The following LINS1 variants were observed in gnomAD, a reference collection of about 807,000 sequenced individuals.
LINS1 encodes the protein lines homolog 1.
In LINS1, 27 loss-of-function variants were observed where a neutral mutation model predicts 41.6. The observed-to-expected ratio is 0.65, with a 90% CI of 0.48 to 0.89. The LOEUF is 0.89. Among genes scored for constraint, LINS1 ranks in the 40% least tolerant of loss-of-function variants. LINS1 has a pLI of 0.00. For missense variants in LINS1, 955 were observed against 884.1 expected, an observed-to-expected ratio of 1.08 and a Z score of -1.02; for synonymous variants, 336 against 312.9, an observed-to-expected ratio of 1.07 and a Z score of -0.78.
rs773566017 is a variant in LINS1, at chr15:100,574,062, T to C, written c.811A>G (p.Thr271Ala). 8.1e-6 allele frequency: 13 copies of C among 1,614,064 alleles called. No homozygotes were observed. In the Admixed American group the frequency reaches 8.3e-5, roughly 10 times the overall value. ...TTCAAAAATAAAATCCTCTGGCAAG[T>C]GAAATGTAACTTCAGGTGGATTCTG... is the stretch of plus-strand genomic sequence containing the variant. ...ASRIHLKLHF[T>A]CQRILFLKPS... Residue 271 changes from threonine (T) to alanine (A), a missense_variant, in exon 5 of 7, where the codon ACT becomes GCT. Coordinates refer to ENST00000314742, the MANE Select transcript of LINS1 (RefSeq NM_001040616.3).
chr15:100,601,046 A>G (rs1004074372), intron 1 of LINS1, among the ~76,000 whole-genome samples: 36 of 152,198 alleles, frequency 2.4e-4, no homozygotes, highest in African/African-American at 8.7e-4. Flanking sequence ...TCCTGTAAAC[A>G]GCAAAGCATA....
intron 1 of LINS1, among the ~76,000 whole-genome samples, chr15:100,598,353 C>CA (rs891745464): frequency 1.3e-5 from 2 of 152,026 alleles, no homozygotes; most frequent in Non-Finnish European, 2.9e-5. Context: ...GTTTTGATCT[C>CA]AAAAAACTTT....
At position 100,593,739 on chromosome 15, in the gene LINS1, G is replaced by A. The variant is rs1039429541; in HGVS notation, c.-104+8382C>T. On this transcript the variant is annotated intron_variant, in intron 1 of 6. Transcript: ENST00000314742. ...TCAAACTTCCATTGGTGCTCCAAAA[G>A]CCCAGGACAAGAGTTCAACATTGGA... Among the ~76,000 whole-genome samples, 4 of 152,152 alleles carry A rather than the reference G, an allele frequency of 2.6e-5. No individual in the cohort carries two copies. In the South Asian group the frequency reaches 6.2e-4, roughly 24 times the overall value.
intron 1 of LINS1, among the ~76,000 whole-genome samples, chr15:100,594,006 G>T (rs2039144617): frequency 6.6e-6 from 1 of 152,058 alleles, no homozygotes; most frequent in South Asian, 2.1e-4. Context: ...TATCTGTGGG[G>T]GATTGGTTCC....
intron 1 of LINS1, among the ~76,000 whole-genome samples, chr15:100,581,892 A>C (rs150653890): frequency 1.8e-3 from 277 of 152,336 alleles, no homozygotes; most frequent in African/African-American, 6.4e-3. Context: ...CTGCTCCTTT[A>C]AACAGGTTGT....
At chr15:100,598,809 A>G (rs900415575) in intron 1 of LINS1, among the ~76,000 whole-genome samples, 3 of 152,154 alleles carry the variant, frequency 2.0e-5, no homozygotes, top group African/African-American at 7.2e-5. Context: ...TTATTACACC[A>G]AGATCCCCAG....
chr15:100,600,551 C>CAAAAAAAAAAAAA lies in LINS1; in HGVS notation c.-104+1557_-104+1569dup, dbSNP rs56911211. 4.7e-3 allele frequency among the ~76,000 whole-genome samples: 375 copies of CAAAAAAAAAAAAA among 79,652 alleles called. 96 individuals are homozygous for CAAAAAAAAAAAAA. Among genetic ancestry groups the CAAAAAAAAAAAAA allele is most frequent in the African/African-American group, 0.02 (298 of 15,002 alleles). The allele number at this position is 79,652 out of a possible 152,430, so 52.3% of individuals were successfully genotyped here. A position where few individuals can be genotyped will look rare whatever the true frequency, so the allele number is the denominator to read the frequency against. On this transcript the variant is annotated intron_variant, in intron 1 of 6. Transcript: ENST00000314742. ...TTTACATTGGAGTCCTGCTGTTAAG[C>CAAAAAAAAAAAAA]AAAAAAAAAAAAAAAAAAAACAGGG...
intron 5 of LINS1, 136 bp downstream of exon 5, chr15:100,573,515 T>C (rs758045040): frequency 1.4e-6 from 1 of 704,778 alleles, no homozygotes; most frequent in South Asian, 2.8e-5. Context: ...TTTTTGAAAA[T>C]GTAATAAGTT....
intron 1 of LINS1, among the ~76,000 whole-genome samples, chr15:100,581,660 T>C (rs956686202): frequency 2.6e-5 from 4 of 152,222 alleles, no homozygotes; most frequent in African/African-American, 9.6e-5. Flanking sequence ...GACAATGGAA[T>C]GCTGGAGCCT....
intron 1 of LINS1, among the ~76,000 whole-genome samples, chr15:100,589,456 A>G (rs193070713): frequency 1.0e-3 from 157 of 152,354 alleles, no homozygotes; most frequent in African/African-American, 3.5e-3. Context: ...ATCAGTTACC[A>G]GTGCTATGCA....
intron 1 of LINS1, among the ~76,000 whole-genome samples, chr15:100,599,030 T>G (rs2039362351): frequency 6.6e-6 from 1 of 152,216 alleles, no homozygotes; most frequent in Admixed American, 6.5e-5. Flanking sequence ...TCAGAATTGC[T>G]GCAGTGGTGC....
chr15:100,597,602 A>G (rs1047906883), intron 1 of LINS1, among the ~76,000 whole-genome samples: 10 of 152,270 alleles, frequency 6.6e-5, no homozygotes, highest in African/African-American at 2.4e-4. Context: ...CAGTGTATCA[A>G]TATGAATACT....
intron 1 of LINS1, among the ~76,000 whole-genome samples, chr15:100,598,863 C>T (rs1268074594): frequency 6.6e-6 from 1 of 152,190 alleles, no homozygotes; most frequent in Admixed American, 6.5e-5. Flanking sequence ...CCAACTAGAG[C>T]ATAACCTGCT....
In LINS1 at chr15:100,569,665, C is replaced by A. The variant is rs2037701029; in HGVS notation, c.1847G>T (p.Ser616Ile). 1 of 1,613,440 alleles carries A rather than the reference C, an allele frequency of 6.2e-7. No homozygotes were observed. Among genetic ancestry groups the A allele is most frequent in the Non-Finnish European group, 8.5e-7 (1 of 1,179,656 alleles). Residue 616 changes from serine to isoleucine, a missense_variant, in exon 7 of 7, where the codon AGT (serine) becomes ATT (isoleucine). Ser to Ile is a moderately radical substitution (Grantham distance 142, BLOSUM62 -2). Coordinates refer to ENST00000314742, the MANE Select transcript of LINS1 (RefSeq NM_001040616.3). ...TTGAGAGGCCCGGGGGGAAGACAGA[C>A]TAGAAGCACACATGGTGTGAGCCCC... ...SKGAHTMCAS[S>I]LSSPRASQSL... is the part of the protein sequence containing the mutation.
chr15:100,567,608 T>A lies in LINS1; in HGVS notation c.*1630A>T, dbSNP rs1381971976. On this transcript the variant is annotated 3_prime_UTR_variant, in exon 7 of 7. Coordinates refer to ENST00000314742, the MANE Select transcript of LINS1 (RefSeq NM_001040616.3). Reference sequence around the variant, plus strand: ...AGAACGCATCTACCATTCCACTGACTATACAAATTCTGACTTACTTTACCA... The same window carrying A: ...AGAACGCATCTACCATTCCACTGACAATACAAATTCTGACTTACTTTACCA... 2.0e-5 allele frequency: 3 copies of A among 152,352 alleles called. No homozygotes were observed. The East Asian group carries it at 5.8e-4, about 29-fold the overall frequency. The allele number at this position is 152,352 out of a possible 1,614,324, so 9.4% of individuals were successfully genotyped here.
rs1332527845 is a variant in LINS1, at chr15:100,569,011, C to G, written c.*227G>C. On this transcript the variant is annotated 3_prime_UTR_variant, in exon 7 of 7. Transcript: ENST00000314742. ...TGGTGGCGGGCACCTGTAATTCCAG[C>G]TACTCGGGAGACTGAGGCAGGAGAA... is the stretch of plus-strand genomic sequence containing the variant. 1.0e-5 allele frequency: 4 copies of G among 384,430 alleles called. No homozygotes were observed. The highest frequency in any genetic ancestry group is 7.6e-4 in the Middle Eastern group (1 of 1,316). The allele number at this position is 384,430 out of a possible 1,614,324, so 23.8% of individuals were successfully genotyped here. A position where few individuals can be genotyped will look rare whatever the true frequency, so the allele number is the denominator to read the frequency against.
At chr15:100,600,022 C>T (rs887083492) in intron 1 of LINS1, among the ~76,000 whole-genome samples, 1 of 152,114 alleles carries the variant, frequency 6.6e-6, no homozygotes, top group Non-Finnish European at 1.5e-5. Context: ...GCCAAGCTCG[C>T]ACCACTGTAC....
rs751128055 is a variant in LINS1, at chr15:100,573,791, A to C, written c.1082T>G (p.Phe361Cys). ...KTLSVYEKHS[F>C]FGGDEVQPEC... ...AGGTTGAACTTCATCACCTCCAAAA[A>C]AGGAATGTTTTTCATAAACAGACAG... The change falls in exon 5 of 7, where the codon TTT (phenylalanine) becomes TGT (cysteine). Residue 361 changes from phenylalanine (F) to cysteine (C), a missense_variant. Phe to Cys is a radical substitution (Grantham distance 205, BLOSUM62 -2). Coordinates refer to ENST00000314742, the MANE Select transcript of LINS1 (RefSeq NM_001040616.3). 6 of 1,614,216 alleles carry C rather than the reference A, an allele frequency of 3.7e-6. No homozygotes were observed. Among genetic ancestry groups the C allele is most frequent in the Non-Finnish European group, 5.1e-6 (6 of 1,180,032 alleles).
chr15:100,569,544 T>G lies in LINS1; in HGVS notation c.1968A>C (p.Ala656=). The stretch of plus-strand genomic sequence containing the variant: ...CAGCTGCATCCTGAATCTCCTTAGT[T>G]GCTTGCTGGTGTAAAGATGTCTGTT... ...NSKQTSLHQQ[A]TKEIQDAAGT... The change falls in exon 7 of 7, where the codon GCA becomes GCC. Residue 656 remains alanine, a synonymous_variant. Transcript: ENST00000314742. 1 of 1,614,218 alleles carries G rather than the reference T, an allele frequency of 6.2e-7. No individual in the cohort carries two copies. Among genetic ancestry groups the G allele is most frequent in the African/African-American group, 1.3e-5 (1 of 75,058 alleles).
Sources: gnomAD v4.1 joint callset for allele counts (sites outside exome capture counted in the v4.1 genomes callset) on GRCh38, gnomAD v4.1.1 for gene constraint, MANE v1.5 for transcripts, NCBI Gene and HGNC (gene_info 2026-07-23, HGNC 2026-07-21) for gene names.